TSHZ2: variants seen among roughly 807,000 people sequenced by gnomAD.
The protein encoded by TSHZ2 is teashirt homolog 2.
A neutral mutation model predicts 74.4 loss-of-function variants in TSHZ2; 21 were observed. The ratio of observed to expected loss-of-function variants is 0.28; its 90% CI spans 0.20 to 0.41. The LOEUF is 0.41. TSHZ2 is among the 10% of genes least tolerant of loss of function. The pLI is 1.00. For synonymous variants in TSHZ2, 540 were observed against 515.3 expected, an observed-to-expected ratio of 1.05 and a Z score of -0.65; for missense variants, 1,244 against 1,293.5, an observed-to-expected ratio of 0.96 and a Z score of 0.59.
intron 1 of TSHZ2, among the ~76,000 whole-genome samples, chr20:52,991,251 G>T (rs1013664893): frequency 5.3e-5 from 8 of 150,564 alleles, no homozygotes; most frequent in Non-Finnish European, 1.2e-4. Flanking sequence ...GTGTTGTGGG[G>T]GGAGAGAGTG....
chr20:53,189,827 C>T (rs1362900325), intron 1 of TSHZ2, among the ~76,000 whole-genome samples: 1 of 151,796 alleles, frequency 6.6e-6, no homozygotes, highest in Non-Finnish European at 1.5e-5. Context: ...CTCACGCCTA[C>T]AATCCCAGCA....
At chr20:53,269,105 T>C (rs1194168012) in intron 2 of TSHZ2, among the ~76,000 whole-genome samples, 1 of 152,140 alleles carries the variant, frequency 6.6e-6, no homozygotes, top group Non-Finnish European at 1.5e-5. Context: ...TTAGTTTGTG[T>C]TGAGGATTAG....
chr20:53,269,428 A>G (rs946277370), intron 2 of TSHZ2, among the ~76,000 whole-genome samples: 1 of 152,154 alleles, frequency 6.6e-6, no homozygotes, highest in African/African-American at 2.4e-5. Context: ...CTTCCCTCCA[A>G]CTTTCCCATT....
intron 1 of TSHZ2, among the ~76,000 whole-genome samples, chr20:53,208,426 C>A (rs939082768): frequency 3.3e-5 from 5 of 152,124 alleles, no homozygotes; most frequent in Admixed American, 2.6e-4. Flanking sequence ...AATCCTGGAT[C>A]AGTTCTTTGT....
intron 1 of TSHZ2, among the ~76,000 whole-genome samples, chr20:53,093,114 G>A (rs192201169): frequency 1.3e-5 from 2 of 152,280 alleles, no homozygotes; most frequent in Admixed American, 1.3e-4. Flanking sequence ...TGGGTGCCTG[G>A]CCATCTGAAA....
At chr20:53,036,677 C>T (rs887341798) in intron 1 of TSHZ2, among the ~76,000 whole-genome samples, 1 of 65,142 alleles carries the variant, frequency 1.5e-5, no homozygotes, top group African/African-American at 7.8e-5. Context: ...ATAATCTGTA[C>T]ATAATATGTG....
At chr20:53,371,086 C>G (rs760328786) in intron 2 of TSHZ2, among the ~76,000 whole-genome samples, 1 of 152,164 alleles carries the variant, frequency 6.6e-6, no homozygotes, top group South Asian at 2.1e-4. Context: ...TCTCCGTCCT[C>G]TCTTCTTATA....
intron 1 of TSHZ2, among the ~76,000 whole-genome samples, chr20:53,228,425 C>T (rs965301046): frequency 6.6e-6 from 1 of 152,120 alleles, no homozygotes; most frequent in Non-Finnish European, 1.5e-5. Flanking sequence ...TTGTAAAAAG[C>T]GATATAACAG....
At chr20:53,318,888 G>GGCTGGAAAGGCCTCAAAATCA (rs1979133619) in intron 2 of TSHZ2, among the ~76,000 whole-genome samples, 1 of 152,150 alleles carries the variant, frequency 6.6e-6, no homozygotes, top group Non-Finnish European at 1.5e-5. Flanking sequence ...AGTTCCACAT[G>GGCTGGAAAGGCCTCAAAATCA]GCTGGAAAGG....
intron 1 of TSHZ2, among the ~76,000 whole-genome samples, chr20:53,236,986 G>A (rs1989955510): frequency 6.6e-6 from 1 of 152,174 alleles, no homozygotes; most frequent in African/African-American, 2.4e-5. Flanking sequence ...AGGTTTGCAT[G>A]GGGACACAGA....
chr20:53,396,282 T>C (rs1414621047), intron 2 of TSHZ2, among the ~76,000 whole-genome samples: 2 of 152,206 alleles, frequency 1.3e-5, no homozygotes, highest in Non-Finnish European at 2.9e-5. Context: ...CCAGCTCACA[T>C]GTACGTATCG....
chr20:53,293,777 G>T (rs142253080), intron 2 of TSHZ2, among the ~76,000 whole-genome samples: 6,162 of 151,682 alleles, frequency 0.041, 430 homozygotes, highest in African/African-American at 0.14. Context: ...CAGCACTTTG[G>T]GAAGCCAAGG....
At position 53,312,093 on chromosome 20, in the gene TSHZ2, AT is replaced by A. The variant is rs1335379175; in HGVS notation, c.*8+55529del. Among the ~76,000 whole-genome samples, 6 of 152,188 alleles carry A rather than the reference AT, an allele frequency of 3.9e-5. No individual in the cohort carries two copies. The East Asian group carries it at 5.8e-4, about 15-fold the overall frequency. On this transcript the variant is annotated intron_variant, in intron 2 of 2. Transcript: ENST00000371497. ...GAGATCCTGGCTCAGAAAAATAAAA[AT>A]TTTTTTAAAAAAAATCTTACCTGTA...
intron 1 of TSHZ2, among the ~76,000 whole-genome samples, chr20:53,133,969 G>GGAAAAAAAAA (rs561152326): frequency 8.6e-5 from 11 of 127,922 alleles, no homozygotes; most frequent in African/African-American, 2.7e-4. Context: ...CATTTTTTCT[G>GGAAAAAAAAA]AAAAAAAAAA....
intron 2 of TSHZ2, among the ~76,000 whole-genome samples, chr20:53,349,395 T>C (rs1387711634): frequency 6.6e-6 from 1 of 152,226 alleles, no homozygotes; most frequent in Non-Finnish European, 1.5e-5. Context: ...CCCATGCCTA[T>C]AATCCTAGCA....
intron 1 of TSHZ2, among the ~76,000 whole-genome samples, chr20:53,233,369 A>G (rs1186149404): frequency 6.6e-6 from 1 of 152,244 alleles, no homozygotes; most frequent in Non-Finnish European, 1.5e-5. Context: ...AGCAATCGAG[A>G]AAAATCCCAT....
At chr20:53,249,514 A>C (rs1202421087) in intron 1 of TSHZ2, among the ~76,000 whole-genome samples, 1 of 152,166 alleles carries the variant, frequency 6.6e-6, no homozygotes, top group Non-Finnish European at 1.5e-5. Context: ...GATGTGATGG[A>C]TAGTTACACA....
chr20:53,445,847 T>G (rs1984525010), intron 2 of TSHZ2, among the ~76,000 whole-genome samples: 1 of 152,192 alleles, frequency 6.6e-6, no homozygotes, highest in Non-Finnish European at 1.5e-5. Context: ...CCTTGTATTA[T>G]CTATATGTCA....
intron 2 of TSHZ2, among the ~76,000 whole-genome samples, chr20:53,444,730 T>C (rs1015523985): frequency 1.2e-4 from 18 of 152,208 alleles, no homozygotes; most frequent in African/African-American, 4.3e-4. Context: ...CCTGTAACCT[T>C]TGGTGTGTAA....
Sources: allele counts gnomAD v4.1 joint callset (sites outside exome capture counted in the v4.1 genomes callset), GRCh38; gene constraint gnomAD v4.1.1; transcripts MANE v1.5; gene names NCBI Gene and HGNC (gene_info 2026-07-23, HGNC 2026-07-21).